Variants in RBFOX1 observed in about 807,000 individuals in gnomAD.
RBFOX1 encodes the protein RNA binding fox-1 homolog 1, also known as RNA binding protein fox-1 homolog 1.
A neutral mutation model predicts 57.7 loss-of-function variants in RBFOX1; 8 were observed. That is an observed-to-expected ratio of 0.14 (90% CI 0.08 to 0.25). RBFOX1 has a LOEUF of 0.25. Among genes scored for constraint, RBFOX1 ranks in the 10% least tolerant of loss-of-function variants. The pLI, the probability that RBFOX1 is intolerant of heterozygous loss-of-function variation, is 1.00. For missense variants in RBFOX1, 611 were observed against 548.5 expected (o/e 1.11, Z -1.14); for synonymous variants, 326 against 222.4 (o/e 1.47, Z -4.15).
intron 4 of RBFOX1, among the ~76,000 whole-genome samples, chr16:5,985,164 T>A (rs892140890): frequency 2.6e-5 from 4 of 151,050 alleles, no homozygotes; most frequent in African/African-American, 4.9e-5. Flanking sequence ...ATATATATAT[T>A]TTTATTTTTA....
chr16:6,045,773 G>C (rs982868691), intron 1 of RBFOX1, among the ~76,000 whole-genome samples: 6 of 152,342 alleles, frequency 3.9e-5, no homozygotes, highest in African/African-American at 1.2e-4. Flanking sequence ...TGTGGCTACA[G>C]AGTTTAATTT....
At chr16:7,000,462 A>T (rs1421444539) in intron 3 of RBFOX1, among the ~76,000 whole-genome samples, 1 of 152,084 alleles carries the variant, frequency 6.6e-6, no homozygotes, top group Non-Finnish European at 1.5e-5. Context: ...GGTTTTGCTA[A>T]TTGCATTCTT....
chr16:6,933,397 C>G (rs999259590), intron 3 of RBFOX1, among the ~76,000 whole-genome samples: 1 of 152,208 alleles, frequency 6.6e-6, no homozygotes, highest in Admixed American at 6.5e-5. Context: ...ATTGCCAACA[C>G]TTATATTCAA....
At position 5,653,984 on chromosome 16, in the gene RBFOX1, C is replaced by T. The variant is rs190097862; in HGVS notation, c.318+55023C>T. Among the ~76,000 whole-genome samples the T allele has an allele frequency of 2.7e-4, 41 of 152,336 alleles. No individual in the cohort carries two copies. The South Asian group carries it at 6.8e-3, about 25-fold the overall frequency. ...CAGATCCCATCTGGTCGGCCACTCACGCAGCAGGGTGGGCAGGCGGGGCCC... is the reference window on the plus strand; with the variant it reads ...CAGATCCCATCTGGTCGGCCACTCATGCAGCAGGGTGGGCAGGCGGGGCCC... On this transcript the variant is annotated intron_variant, in intron 3 of 19. Transcript: ENST00000641259.
At chr16:6,326,474 A>C (rs932254561) in intron 2 of RBFOX1, among the ~76,000 whole-genome samples, 1 of 152,152 alleles carries the variant, frequency 6.6e-6, no homozygotes, top group African/African-American at 2.4e-5. Context: ...TCCTAGATAC[A>C]AGTACTTTCT....
intron 1 of RBFOX1, among the ~76,000 whole-genome samples, chr16:5,321,804 A>T (rs942640774): frequency 6.6e-6 from 1 of 151,620 alleles, no homozygotes; most frequent in Non-Finnish European, 1.5e-5. Flanking sequence ...GGCGTCTGTG[A>T]CTCTCATGAC....
rs1323764847 is a variant in RBFOX1 at position 6,019,981 on chromosome 16, C to T, written c.-138C>T. Reference sequence around the variant, plus strand: ...AGAACGTGACCGCAGCCGGGCTCGCCGGGAGTTCTAGGTAAGTCCAGGCGG... The same window carrying T: ...AGAACGTGACCGCAGCCGGGCTCGCTGGGAGTTCTAGGTAAGTCCAGGCGG... On this transcript the variant is annotated 5_prime_UTR_variant, in exon 1 of 16. Transcript: ENST00000550418. The surrounding 1 kb of genome is among the most constrained non-coding windows in gnomAD (Gnocchi z 4.2). The T allele has an allele frequency of 6.5e-7, 1 of 1,529,384 alleles. No individual in the cohort carries two copies. The highest frequency in any genetic ancestry group is 8.8e-7 in the Non-Finnish European group (1 of 1,142,752). 94.7% of individuals were successfully genotyped at this position (1,529,384 alleles called of 1,614,324 possible).
intron 2 of RBFOX1, among the ~76,000 whole-genome samples, chr16:6,611,492 G>T (rs1211590400): frequency 2.0e-5 from 3 of 152,044 alleles, no homozygotes; most frequent in African/African-American, 7.2e-5. Flanking sequence ...CCTCGGAGAG[G>T]TCTCCTTGGA....
intron 2 of RBFOX1, among the ~76,000 whole-genome samples, chr16:6,568,275 C>T (rs550988245): frequency 1.3e-5 from 2 of 152,250 alleles, no homozygotes; most frequent in African/African-American, 4.8e-5. Context: ...GCTGGGGCAG[C>T]CGTCAGTGAC....
chr16:6,215,899 T>C (rs9921642), intron 1 of RBFOX1, among the ~76,000 whole-genome samples: 148,141 of 152,178 alleles, frequency 0.97, 72,228 homozygotes, highest in East Asian at 1. Flanking sequence ...ACAAGATGGT[T>C]GCAGTGGAGT....
chr16:7,060,539 T>C (rs1456809566), intron 4 of RBFOX1, among the ~76,000 whole-genome samples: 3 of 152,226 alleles, frequency 2.0e-5, no homozygotes, highest in Non-Finnish European at 4.4e-5. Flanking sequence ...TCAAATGAAA[T>C]GGCTTTTAAA....
At chr16:5,499,454 C>T (rs557091663) in intron 2 of RBFOX1, among the ~76,000 whole-genome samples, 20 of 152,346 alleles carry the variant, frequency 1.3e-4, no homozygotes, top group African/African-American at 4.1e-4. Context: ...CCCGTCCTTT[C>T]AGCCCCACTT....
intron 3 of RBFOX1, among the ~76,000 whole-genome samples, chr16:5,648,412 G>T (rs1301534896): frequency 6.6e-6 from 1 of 152,194 alleles, no homozygotes; most frequent in Non-Finnish European, 1.5e-5. Flanking sequence ...GCCAGAAGAG[G>T]GGACACTGGG....
At chr16:6,163,943 T>TATGGGATAC (rs1436989380) in intron 1 of RBFOX1, among the ~76,000 whole-genome samples, 1 of 152,220 alleles carries the variant, frequency 6.6e-6, no homozygotes, top group Non-Finnish European at 1.5e-5. Context: ...AATGTGATGT[T>TATGGGATAC]ATGGGATACA....
intron 3 of RBFOX1, among the ~76,000 whole-genome samples, chr16:6,879,351 C>T (rs1373495463): frequency 6.6e-6 from 1 of 152,178 alleles, no homozygotes; most frequent in African/African-American, 2.4e-5. Context: ...TGTCTCCTAT[C>T]TTTCCTAATT....
chr16:5,831,440 TA>T (rs1352117840), intron 3 of RBFOX1, among the ~76,000 whole-genome samples: 2 of 151,528 alleles, frequency 1.3e-5, no homozygotes, highest in Non-Finnish European at 2.9e-5. Flanking sequence ...GTATATCCTG[TA>T]GAACTGTAAG....
At chr16:5,709,248 A>G (rs991206853) in intron 3 of RBFOX1, among the ~76,000 whole-genome samples, 1 of 152,206 alleles carries the variant, frequency 6.6e-6, no homozygotes, top group Non-Finnish European at 1.5e-5. Flanking sequence ...TAGAGAACAC[A>G]GGATGCCAGG....
At chr16:6,554,284 A>T (rs2097052298) in intron 2 of RBFOX1, among the ~76,000 whole-genome samples, 1 of 152,142 alleles carries the variant, frequency 6.6e-6, no homozygotes, top group South Asian at 2.1e-4. Context: ...ATCTTCTTTC[A>T]TTTAGCCTAA....
intron 2 of RBFOX1, among the ~76,000 whole-genome samples, chr16:6,501,610 G>C (rs1451572698): frequency 6.6e-6 from 1 of 152,058 alleles, no homozygotes; most frequent in Non-Finnish European, 1.5e-5. Flanking sequence ...ACGTGTGCAT[G>C]CATGTGTCTT....
Sources: gnomAD v4.1 joint callset for allele counts (sites outside exome capture counted in the v4.1 genomes callset) on GRCh38, gnomAD v4.1.1 for gene constraint, Gnocchi (gnomAD v3.1) non-coding constraint, MANE v1.5 for transcripts, NCBI Gene and HGNC (gene_info 2026-07-23, HGNC 2026-07-21) for gene names.